IL1F10: variants seen among roughly 807,000 people sequenced by gnomAD.
IL1F10 encodes the protein interleukin 1 family member 10, also known as interleukin-1 family member 10.
A neutral mutation model predicts 13.1 loss-of-function variants in IL1F10; 13 were observed. The observed-to-expected ratio is 0.99, with a 90% CI of 0.64 to 1.57. The LOEUF is 1.57. IL1F10 is among the 40% of genes most tolerant of loss of function. The pLI is 0.00. For synonymous variants in IL1F10, 78 were observed against 68.2 expected, an observed-to-expected ratio of 1.14 and a Z score of -0.71; for missense variants, 191 against 184.1, an observed-to-expected ratio of 1.04 and a Z score of -0.22.
chr2:113,075,191 G>A lies in IL1F10; in HGVS notation c.286G>A (p.Ala96Thr). 1.9e-6 allele frequency: 3 copies of A among 1,613,340 alleles called. No individual in the cohort carries two copies. Among genetic ancestry groups the A allele is most frequent in the Non-Finnish European group, 2.5e-6 (3 of 1,179,810 alleles). ...GGAACTGTACAAAGGTGGTGAAGAG[G>A]CCACACGCTTCACCTTCTTCCAGAG... ...IEELYKGGEEATRFTFFQSSS... is the reference protein window; with the variant it reads ...IEELYKGGEETTRFTFFQSSS... Residue 96 changes from alanine (A) to threonine (T), a missense_variant, in exon 5 of 5, where the codon GCC (alanine) becomes ACC (threonine). Coordinates refer to ENST00000341010, the MANE Select transcript of IL1F10 (RefSeq NM_173161.3).
At chr2:113,068,068 T>G (rs1390879447) in intron 1 of IL1F10, 52 bp downstream of exon 1, 1 of 152,146 alleles carries the variant, frequency 6.6e-6, no homozygotes, top group Non-Finnish European at 1.5e-5. Flanking sequence ...TTTTCTACTC[T>G]CTCCTGTCAA....
At chr2:113,069,351 T>A (rs1685794384) in intron 1 of IL1F10, among the ~76,000 whole-genome samples, 1 of 152,190 alleles carries the variant, frequency 6.6e-6, no homozygotes, top group Non-Finnish European at 1.5e-5. Context: ...TAGGTTGGAA[T>A]GAATGAAAGG....
intron 1 of IL1F10, 92 bp from the exon 2 acceptor site, chr2:113,072,619 A>T: frequency 1.3e-6 from 1 of 793,012 alleles, no homozygotes. Context: ...GAACCCGTGC[A>T]GCCCTTGGCT....
chr2:113,074,728 A>T lies in IL1F10; in HGVS notation c.124A>T (p.Ile42Phe), dbSNP rs1442875844. ...TTCTCTCTCTTCCCTCCTAGAGAAG[A>T]TCTGCATACTTCCTAACAGAGGCTT... ...PVADNCCAEK[I>F]CILPNRGLAR... Residue 42 changes from isoleucine (I) to phenylalanine (F), a missense_variant, in exon 4 of 5, where the codon ATC becomes TTC. By Grantham distance (21) the Ile-to-Phe change is conservative (BLOSUM62 0). Coordinates refer to ENST00000341010, the MANE Select transcript of IL1F10 (RefSeq NM_173161.3). 1.9e-6 allele frequency: 3 copies of T among 1,613,436 alleles called. No individual in the cohort carries two copies. The highest frequency in any genetic ancestry group is 3.3e-5 in the Admixed American group (2 of 60,006).
intron 1 of IL1F10, 68 bp from the exon 2 acceptor site, chr2:113,072,642 GC>G: frequency 9.3e-7 from 1 of 1,080,578 alleles, no homozygotes; most frequent in Admixed American, 1.9e-5. Flanking sequence ...GTGGTTCTAA[GC>G]CCCAGCACGT....
Position 113,074,419 on chromosome 2 carries a change from G to A in IL1F10, c.118+5G>A. ...TTGCAGACAACTGCTGTGCAGGTGA[G>A]CTTCTGGGGCCTCCACCCCATGCTC... On this transcript the variant is annotated splice_donor_5th_base_variant and intron_variant, in intron 3 of 4. Transcript: ENST00000341010. 1 of 1,608,800 alleles carries A rather than the reference G, an allele frequency of 6.2e-7. No homozygotes were observed. The highest frequency in any genetic ancestry group is 8.5e-7 in the Non-Finnish European group (1 of 1,175,454).
chr2:113,069,372 G>A (rs930750075), intron 1 of IL1F10, among the ~76,000 whole-genome samples: 1 of 152,202 alleles, frequency 6.6e-6, no homozygotes, highest in Non-Finnish European at 1.5e-5. Flanking sequence ...CAGAAAAACC[G>A]GGAATACAAG....
intron 1 of IL1F10, among the ~76,000 whole-genome samples, chr2:113,068,341 GTT>G (rs11334338): frequency 4.3e-4 from 60 of 140,686 alleles, no homozygotes; most frequent in East Asian, 6.2e-4. Flanking sequence ...TTTTGTTTTC[GTT>G]TTTTTTTTTT....
At position 113,072,696 on chromosome 2, in the gene IL1F10, T is replaced by C. The variant is rs200089465; in HGVS notation, c.-28-15T>C. The C allele has an allele frequency of 1.6e-4, 250 of 1,585,354 alleles. 3 individuals are homozygous for C. In the South Asian group the frequency reaches 2.6e-3, roughly 16 times the overall value. On this transcript the variant is annotated splice_polypyrimidine_tract_variant and intron_variant, in intron 1 of 4. Transcript: ENST00000341010. ...CAGCCTCCTTTTCTAACTGCCCTTC[T>C]CTCCTCCCCATCAGTGAGGACCAGA...
At position 113,075,625 on chromosome 2, in the gene IL1F10, A is replaced by T. The variant is rs960262416; in HGVS notation, c.*261A>T. 3.5e-6 allele frequency: 1 copy of T among 283,504 alleles called. No homozygotes were observed. Among genetic ancestry groups the T allele is most frequent in the Non-Finnish European group, 6.5e-6 (1 of 153,408 alleles). 17.6% of individuals were successfully genotyped at this position (283,504 alleles called of 1,614,324 possible). A position where few individuals can be genotyped will look rare whatever the true frequency, so the allele number is the denominator to read the frequency against. On this transcript the variant is annotated 3_prime_UTR_variant, in exon 5 of 5. Coordinates refer to ENST00000341010, the MANE Select transcript of IL1F10 (RefSeq NM_173161.3). ...GGCAGGAAGGGAGAGTCAGAGAGAG[A>T]ATGGAAGATACCATGCTTCTAATTT... is the stretch of plus-strand genomic sequence containing the variant.
Position 113,074,556 on chromosome 2 carries a change from C to T in IL1F10, c.118+142C>T, listed in dbSNP as rs6761821. 6,082 of 1,084,026 alleles carry T rather than the reference C, an allele frequency of 5.6e-3. 236 individuals are homozygous for T. In the African/African-American group the frequency reaches 0.082, roughly 15 times the overall value. The allele number at this position is 1,084,026 out of a possible 1,614,324, so 67.2% of individuals were successfully genotyped here. On this transcript the variant is annotated intron_variant, in intron 3 of 4. Transcript: ENST00000341010. ...AGAGAGCAGCTGTGGCCTCTCCTAG[C>T]GAGGGGACATGACTCCTGCAGAAGT...
At chr2:113,075,085 A>C in intron 4 of IL1F10, 67 bp from the exon 5 acceptor site, 2 of 1,435,484 alleles carry the variant, frequency 1.4e-6, no homozygotes, top group Non-Finnish European at 1.9e-6. Flanking sequence ...GCCAAGCCCC[A>C]GAGGCCTCCA....
intron 1 of IL1F10, among the ~76,000 whole-genome samples, chr2:113,068,611 G>T (rs1177315506): frequency 6.6e-6 from 1 of 152,168 alleles, no homozygotes; most frequent in African/African-American, 2.4e-5. Context: ...AGCAGAGCTA[G>T]GTCTAGGACT....
rs750619017 is a variant in IL1F10, at chr2:113,075,300, T to A, written c.395T>A (p.Val132Glu). The change falls in exon 5 of 5, where the codon GTA becomes GAA. Residue 132 changes from valine to glutamate, a missense_variant. Coordinates refer to ENST00000341010, the MANE Select transcript of IL1F10 (RefSeq NM_173161.3). Reference protein sequence around the residue: ...LCGPAEPQQPVQLTKESEPSA... With the variant: ...LCGPAEPQQPEQLTKESEPSA... ...GGCCCGGCAGAGCCCCAGCAGCCAG[T>A]ACAGCTCACCAAGGAGAGTGAGCCC... 3.7e-6 allele frequency: 6 copies of A among 1,607,268 alleles called. No homozygotes were observed. Among genetic ancestry groups the A allele is most frequent in the Non-Finnish European group, 5.1e-6 (6 of 1,174,702 alleles).
In IL1F10 at chr2:113,072,838, T is replaced by C. The variant is rs950532146; in HGVS notation, c.32+68T>C. The stretch of plus-strand genomic sequence containing the variant: ...CAGGGTGGGAAGAGGAAAGGAATGC[T>C]GAGTCAGAGGATGAGGCTCCTTCTC... On this transcript the variant is annotated intron_variant, in intron 2 of 4. Coordinates refer to ENST00000341010, the MANE Select transcript of IL1F10 (RefSeq NM_173161.3). 7.9e-6 allele frequency: 11 copies of C among 1,395,058 alleles called. No homozygotes were observed. In the African/African-American group the frequency reaches 1.6e-4, roughly 20 times the overall value. The allele number at this position is 1,395,058 out of a possible 1,614,324, so 86.4% of individuals were successfully genotyped here.
At chr2:113,074,228 C>T in intron 2 of IL1F10, 101 bp from the exon 3 acceptor site, 2 of 756,550 alleles carry the variant, frequency 2.6e-6, no homozygotes, top group South Asian at 1.5e-5. Context: ...AGAAAATCGC[C>T]CAAATGCTCA....
chr2:113,068,123 G>A (rs887336149), intron 1 of IL1F10, 107 bp downstream of exon 1: 7 of 152,190 alleles, frequency 4.6e-5, no homozygotes, highest in Non-Finnish European at 7.3e-5. Context: ...CTGGCAAGCT[G>A]TCTAGGTAAC....
intron 1 of IL1F10, chr2:113,072,370 A>C: frequency 4.8e-6 from 1 of 210,140 alleles, no homozygotes; most frequent in Non-Finnish European, 9.5e-6. Flanking sequence ...GAGGGAGGCT[A>C]CAGCACACTC....
At chr2:113,068,905 CT>C (rs1363363851) in intron 1 of IL1F10, among the ~76,000 whole-genome samples, 1 of 152,108 alleles carries the variant, frequency 6.6e-6, no homozygotes, top group Non-Finnish European at 1.5e-5. Context: ...TAGAAAGAAC[CT>C]TCATAACCAC....
Sources: allele counts gnomAD v4.1 joint callset (sites outside exome capture counted in the v4.1 genomes callset), GRCh38; gene constraint gnomAD v4.1.1; transcripts MANE v1.5; gene names NCBI Gene and HGNC (gene_info 2026-07-23, HGNC 2026-07-21).